SEMA5B: variants seen among roughly 807,000 people sequenced by gnomAD.
SEMA5B encodes the protein semaphorin 5B.
Under a neutral mutation model 135.0 loss-of-function variants are expected in SEMA5B, and 66 were observed. That is an observed-to-expected ratio of 0.49 (90% CI 0.40 to 0.60). SEMA5B has a LOEUF of 0.60. Among genes scored for constraint, SEMA5B ranks in the 20% least tolerant of loss-of-function variants. The probability of loss-of-function intolerance (pLI) is 0.00; values close to 1 mark genes in which losing one functional copy is unlikely to be tolerated. For missense variants in SEMA5B, 1,501 were observed against 1,566.3 expected, an observed-to-expected ratio of 0.96 and a Z score of 0.70; for synonymous variants, 690 against 639.5, an observed-to-expected ratio of 1.08 and a Z score of -1.19.
rs1315191643 is a variant in SEMA5B at position 122,921,311 on chromosome 3, A to C, written c.1688+604T>G. ...ATAGGCTTTGGTTTCCCCCTTAAAC[A>C]CTGATGCCACAGTTGTCAAATCTGT... On this transcript the variant is annotated intron_variant, in intron 12 of 22. Transcript: ENST00000357599. Among the ~76,000 whole-genome samples, 4 of 152,156 alleles carry C rather than the reference A, an allele frequency of 2.6e-5. No individual in the cohort carries two copies. In the East Asian group the frequency reaches 7.7e-4, roughly 29 times the overall value.
intron 3 of SEMA5B, among the ~76,000 whole-genome samples, chr3:122,948,178 A>G (rs1226746500): frequency 6.6e-6 from 1 of 152,134 alleles, no homozygotes; most frequent in Non-Finnish European, 1.5e-5. Context: ...CTAATGCATG[A>G]GTCATGCTGA....
chr3:122,967,478 AC>A (rs1940915327), intron 1 of SEMA5B, among the ~76,000 whole-genome samples: 1 of 152,200 alleles, frequency 6.6e-6, no homozygotes, highest in South Asian at 2.1e-4. Flanking sequence ...AATGGTTCAC[AC>A]CTGCAACCTT....
chr3:122,972,402 A>G (rs984643094), intron 1 of SEMA5B, among the ~76,000 whole-genome samples: 2 of 152,228 alleles, frequency 1.3e-5, no homozygotes, highest in Admixed American at 6.5e-5. Flanking sequence ...TTTCCCTGGC[A>G]TGTGGCACAC....
chr3:122,971,174 G>C (rs1361468078), intron 1 of SEMA5B, among the ~76,000 whole-genome samples: 1 of 152,226 alleles, frequency 6.6e-6, no homozygotes, highest in African/African-American at 2.4e-5. Context: ...TAGTCCTTGG[G>C]AATACATCAG....
chr3:122,998,686 C>T (rs1347561946), intron 1 of SEMA5B, among the ~76,000 whole-genome samples: 4 of 152,176 alleles, frequency 2.6e-5, no homozygotes, highest in Non-Finnish European at 5.9e-5. Context: ...TCATCCCTGA[C>T]TCCTGGCCTC....
intron 1 of SEMA5B, among the ~76,000 whole-genome samples, chr3:122,984,877 A>G (rs1165385689): frequency 1.3e-5 from 2 of 152,224 alleles, no homozygotes; most frequent in African/African-American, 4.8e-5. Flanking sequence ...GCCCAGAAAA[A>G]TCACAGGGGA....
chr3:122,932,566 G>C (rs1287083733), intron 5 of SEMA5B, among the ~76,000 whole-genome samples: 1 of 152,092 alleles, frequency 6.6e-6, no homozygotes, highest in Non-Finnish European at 1.5e-5. Flanking sequence ...ATAAGGGCCA[G>C]AACTGCCTCA....
At chr3:122,916,745 C>A (rs1938093649) in intron 12 of SEMA5B, among the ~76,000 whole-genome samples, 1 of 152,124 alleles carries the variant, frequency 6.6e-6, no homozygotes, top group South Asian at 2.1e-4. Context: ...TCCATGGTCA[C>A]CTGGAGCACC....
Position 122,913,241 on chromosome 3 carries a change from T to G in SEMA5B, c.2464A>C (p.Arg822=). Residue 822 remains arginine (R), a synonymous_variant, in exon 17 of 23, where the codon AGG becomes CGG. Coordinates refer to ENST00000357599, the MANE Select transcript of SEMA5B (RefSeq NM_001031702.4). Reference sequence around the variant, plus strand: ...CCGGAGCCGTCCGCGGGACAGGTCCTCGTCTCGGTCCTTCTCCTGCCGAAC... The same window carrying G: ...CCGGAGCCGTCCGCGGGACAGGTCCGCGTCTCGGTCCTTCTCCTGCCGAAC... ...LQFGRRRTET[R]TCPADGSGSC... The G allele has an allele frequency of 6.3e-7, 1 of 1,585,870 alleles. No individual in the cohort carries two copies. Among genetic ancestry groups the G allele is most frequent in the African/African-American group, 1.3e-5 (1 of 74,456 alleles).
intron 14 of SEMA5B, 78 bp downstream of exon 14, chr3:122,915,362 A>C: frequency 3.5e-6 from 5 of 1,429,116 alleles, no homozygotes; most frequent in Non-Finnish European, 4.8e-6. Context: ...GCAAACACCC[A>C]AGTGAGGGGT....
At chr3:122,993,843 G>C (rs903630410) in intron 1 of SEMA5B, among the ~76,000 whole-genome samples, 1 of 151,816 alleles carries the variant, frequency 6.6e-6, no homozygotes, top group Non-Finnish European at 1.5e-5. Context: ...AATACTCTTG[G>C]GGAACAACTT....
At chr3:122,988,509 A>G (rs1266711622) in intron 1 of SEMA5B, among the ~76,000 whole-genome samples, 1 of 152,258 alleles carries the variant, frequency 6.6e-6, no homozygotes, top group Admixed American at 6.5e-5. Flanking sequence ...GGCAGACAGC[A>G]GCAGGAGGAA....
rs73193864 is a variant in SEMA5B, at chr3:122,918,309, A to G, written c.1689-2419T>C. 8.8e-3 allele frequency among the ~76,000 whole-genome samples: 1,341 copies of G among 152,318 alleles called. 14 individuals carry two copies. Among genetic ancestry groups the G allele is most frequent in the Middle Eastern group, 0.017 (5 of 294 alleles). ...TCTAGAGCCTAACCAGTTTTACAGCAGGAGTTCCCAGGCTTCACTGCAAAT... is the reference window on the plus strand; with the variant it reads ...TCTAGAGCCTAACCAGTTTTACAGCGGGAGTTCCCAGGCTTCACTGCAAAT... On this transcript the variant is annotated intron_variant, in intron 12 of 22. Transcript: ENST00000357599.
intron 2 of SEMA5B, among the ~76,000 whole-genome samples, chr3:122,956,008 T>A (rs1940276162): frequency 6.6e-6 from 1 of 152,130 alleles, no homozygotes; most frequent in Admixed American, 6.5e-5. Flanking sequence ...AGGAGACATG[T>A]CTCCAGTGAG....
intron 4 of SEMA5B, 63 bp downstream of exon 4, chr3:122,943,373 T>C (rs747042919): frequency 5.5e-5 from 65 of 1,186,124 alleles, no homozygotes; most frequent in Non-Finnish European, 7.6e-5. Flanking sequence ...TCCTGAATAA[T>C]ATTCCCTCTA....
intron 1 of SEMA5B, among the ~76,000 whole-genome samples, chr3:122,990,322 A>T (rs920491326): frequency 2.0e-5 from 3 of 152,062 alleles, no homozygotes; most frequent in Non-Finnish European, 4.4e-5. Context: ...TTTTTCCTAC[A>T]CAGAAGGAAA....
At chr3:122,914,514 C>T (rs1474951728) in intron 14 of SEMA5B, among the ~76,000 whole-genome samples, 1 of 152,202 alleles carries the variant, frequency 6.6e-6, no homozygotes, top group African/African-American at 2.4e-5. Flanking sequence ...GGGCAAGTTA[C>T]TAGAACCTTC....
At chr3:122,955,189 C>T (rs1316806932) in intron 2 of SEMA5B, among the ~76,000 whole-genome samples, 2 of 151,970 alleles carry the variant, frequency 1.3e-5, no homozygotes, top group Non-Finnish European at 2.9e-5. Flanking sequence ...TAGGTGGAAC[C>T]TGGAATGTTG....
intron 12 of SEMA5B, 36 bp from the exon 13 acceptor site, chr3:122,915,926 G>A: frequency 6.4e-7 from 1 of 1,551,634 alleles, no homozygotes; most frequent in Non-Finnish European, 8.9e-7. Flanking sequence ...AAGCCCACTG[G>A]CTTCCCAGCC....
Sources: allele counts gnomAD v4.1 joint callset (sites outside exome capture counted in the v4.1 genomes callset), GRCh38; gene constraint gnomAD v4.1.1; transcripts MANE v1.5; gene names NCBI Gene and HGNC (gene_info 2026-07-23, HGNC 2026-07-21).